The following FBXO32 variants were observed in gnomAD, a reference collection of about 807,000 sequenced individuals.
FBXO32 encodes F-box protein 32, also known as F-box only protein 32.
In FBXO32, 15 loss-of-function variants were observed where a neutral mutation model predicts 48.3. The ratio of observed to expected loss-of-function variants is 0.31; its 90% confidence interval spans 0.21 to 0.48. The LOEUF is 0.48. Among genes scored for constraint, FBXO32 ranks in the 20% least tolerant of loss-of-function variants. FBXO32 has a pLI of 0.99. For synonymous variants in FBXO32, 154 were observed against 165.9 expected (o/e 0.93, Z 0.55); for missense variants, 309 against 432.7 (o/e 0.71, Z 2.54).
rs191814232 is a variant in FBXO32 at position 123,529,492 on chromosome 8, G to T, written c.372+2406C>A. Among the ~76,000 whole-genome samples the T allele has an allele frequency of 7.9e-5, 12 of 152,326 alleles. No individual in the cohort carries two copies. In the East Asian group the frequency reaches 1.2e-3, roughly 15 times the overall value. On this transcript the variant is annotated intron_variant, in intron 4 of 8. Coordinates refer to ENST00000517956, the MANE Select transcript of FBXO32 (RefSeq NM_058229.4). ...GTTTCCCCAGCTACCCCGGGAAGTT[G>T]AGGTAAGTCATTCTTACAGAGGAGG...
rs769413481 is a variant in FBXO32, at chr8:123,540,070, C to T, written c.116+829G>A. ...GCGGACCTCAGGTTTCCCGCCAGAC[C>T]ACAGAGCTCAGGTGAGGCCTCGAAT... On this transcript the variant is annotated intron_variant, in intron 1 of 8. Coordinates refer to ENST00000517956, the MANE Select transcript of FBXO32 (RefSeq NM_058229.4). This position sits in a 1 kb window ranked among gnomAD's most constrained non-coding sequence, Gnocchi z 6.4. Among the ~76,000 whole-genome samples the T allele has an allele frequency of 6.6e-6, 1 of 152,224 alleles. No homozygotes were observed. Among genetic ancestry groups the T allele is most frequent in the East Asian group, 1.9e-4 (1 of 5,200 alleles).
chr8:123,502,031 C>T lies in FBXO32; in HGVS notation c.*1342G>A, dbSNP rs1397197419. The stretch of plus-strand genomic sequence containing the variant: ...TGCTGATATTTGCCTCGTAAGATCC[C>T]CTTGGGATCTTCCTGTTTTAACTAC... On this transcript the variant is annotated 3_prime_UTR_variant, in exon 9 of 9. Transcript: ENST00000517956. The T allele has an allele frequency of 6.6e-6, 1 of 152,072 alleles. No individual in the cohort carries two copies. The highest frequency in any genetic ancestry group is 1.9e-4 in the East Asian group (1 of 5,180). 9.4% of individuals were successfully genotyped at this position (152,072 alleles called of 1,614,324 possible). A position where few individuals can be genotyped will look rare whatever the true frequency, so the allele number is the denominator to read the frequency against.
At chr8:123,520,180 A>T (rs560519343) in intron 4 of FBXO32, among the ~76,000 whole-genome samples, 1 of 152,342 alleles carries the variant, frequency 6.6e-6, no homozygotes, top group East Asian at 1.9e-4. Flanking sequence ...GACTTAGCCA[A>T]TTGGATTCTT....
chr8:123,507,443 GT>G (rs1816651517), intron 6 of FBXO32, among the ~76,000 whole-genome samples: 1 of 109,914 alleles, frequency 9.1e-6, no homozygotes, highest in African/African-American at 3.4e-5. Flanking sequence ...GCTAGGGTGT[GT>G]GTGTGTGTGT....
chr8:123,528,628 T>C (rs1029681277), intron 4 of FBXO32, among the ~76,000 whole-genome samples: 3 of 152,152 alleles, frequency 2.0e-5, no homozygotes, highest in Non-Finnish European at 4.4e-5. Flanking sequence ...TATATAAACA[T>C]CTTTCTAAGT....
chr8:123,533,253 AAAG>A lies in FBXO32; in HGVS notation c.230-16_230-14del, dbSNP rs779770935. ...TCTTGGTGGAAATCTACAGAGACAAAAAGAATACACAGCTTTAACATCTGCAAC... is the reference window on the plus strand; with the variant it reads ...TCTTGGTGGAAATCTACAGAGACAAAAATACACAGCTTTAACATCTGCAAC... On this transcript the variant is annotated splice_polypyrimidine_tract_variant and intron_variant, in intron 2 of 8. Transcript: ENST00000517956. 62 of 1,601,666 alleles carry A rather than the reference AAAG, an allele frequency of 3.9e-5. 1 individual carries two copies. In the South Asian group the frequency reaches 6.8e-4, roughly 18 times the overall value.
At chr8:123,521,082 C>G (rs1816943785) in intron 4 of FBXO32, among the ~76,000 whole-genome samples, 1 of 152,224 alleles carries the variant, frequency 6.6e-6, no homozygotes, top group South Asian at 2.1e-4. Flanking sequence ...TTGCCATCTT[C>G]ACCTTACTAT....
chr8:123,530,740 GA>G (rs1216063648), intron 4 of FBXO32, among the ~76,000 whole-genome samples: 1 of 147,844 alleles, frequency 6.8e-6, no homozygotes, highest in Non-Finnish European at 1.5e-5. Flanking sequence ...TCAGCCTCCC[GA>G]GTAGCTGGGA....
Position 123,534,772 on chromosome 8 carries a change from G to A in FBXO32, c.159C>T (p.Asn53=). The stretch of plus-strand genomic sequence containing the variant: ...TGGCTGCAACATCATAGTTCAGGCT[G>A]TTGAAAAGATTCTCCTTATTGTATA... ...KEVYNKENLF[N]SLNYDVAAKK... Residue 53 remains asparagine (N), a synonymous_variant, in exon 2 of 9, where the codon AAC becomes AAT. Coordinates refer to ENST00000517956, the MANE Select transcript of FBXO32 (RefSeq NM_058229.4). 6.2e-7 allele frequency: 1 copy of A among 1,613,826 alleles called. No homozygotes were observed. Among genetic ancestry groups the A allele is most frequent in the Non-Finnish European group, 8.5e-7 (1 of 1,179,832 alleles).
At chr8:123,520,569 G>A (rs28567692) in intron 4 of FBXO32, among the ~76,000 whole-genome samples, 11,871 of 152,234 alleles carry the variant, frequency 0.078, 564 homozygotes, top group Non-Finnish European at 0.097. Context: ...AAGCAATATC[G>A]TATAGCAAAT....
At chr8:123,529,448 C>T (rs1159545757) in intron 4 of FBXO32, among the ~76,000 whole-genome samples, 1 of 152,202 alleles carries the variant, frequency 6.6e-6, no homozygotes, top group Non-Finnish European at 1.5e-5. Context: ...GTCCAAAGTA[C>T]TTCTGTTTAT....
chr8:123,537,136 G>C (rs975322525), intron 1 of FBXO32, among the ~76,000 whole-genome samples: 1 of 151,976 alleles, frequency 6.6e-6, no homozygotes, highest in Non-Finnish European at 1.5e-5. Context: ...TATTTTGAGA[G>C]TTCAATCGTG....
intron 1 of FBXO32, among the ~76,000 whole-genome samples, chr8:123,537,465 T>A (rs1817329778): frequency 6.6e-6 from 1 of 150,770 alleles, no homozygotes; most frequent in African/African-American, 2.4e-5. Context: ...AATCAGACCA[T>A]AAATAAGTCT....
chr8:123,541,116 G>T lies in FBXO32; in HGVS notation c.-102C>A, dbSNP rs1414039487. 4.9e-6 allele frequency: 3 copies of T among 614,382 alleles called. No homozygotes were observed. The East Asian group carries it at 1.1e-4, about 22-fold the overall frequency. The allele number at this position is 614,382 out of a possible 1,614,324, so 38.1% of individuals were successfully genotyped here. On this transcript the variant is annotated 5_prime_UTR_variant, in exon 1 of 9. Coordinates refer to ENST00000517956, the MANE Select transcript of FBXO32 (RefSeq NM_058229.4). ...TGCTCGGGGTGCAGGGGCCCGCGAC[G>T]GGGGCGGCGGGGCGGCGGGAACGGC...
At chr8:123,524,589 A>C (rs1450073203) in intron 4 of FBXO32, among the ~76,000 whole-genome samples, 4 of 151,952 alleles carry the variant, frequency 2.6e-5, no homozygotes, top group African/African-American at 7.3e-5. Flanking sequence ...AGGTTGCAGG[A>C]TGGTGGCACG....
intron 6 of FBXO32, among the ~76,000 whole-genome samples, chr8:123,507,076 G>A (rs894384551): frequency 3.9e-5 from 6 of 152,064 alleles, no homozygotes; most frequent in African/African-American, 1.4e-4. Context: ...GCCCGGCCAC[G>A]TGGTCATCCT....
intron 4 of FBXO32, among the ~76,000 whole-genome samples, chr8:123,520,751 G>A (rs984739272): frequency 1.3e-5 from 2 of 152,032 alleles, no homozygotes; most frequent in East Asian, 1.9e-4. Context: ...ATCAGTTCAC[G>A]TTACTTCTTT....
At chr8:123,511,844 G>A (rs545214466) in intron 6 of FBXO32, among the ~76,000 whole-genome samples, 11 of 152,228 alleles carry the variant, frequency 7.2e-5, no homozygotes, top group South Asian at 2.1e-4. Context: ...CATGGGACCC[G>A]CTTGTTTATA....
chr8:123,501,767 A>G lies in FBXO32; in HGVS notation c.*1606T>C, dbSNP rs1012703783. 3.3e-5 allele frequency: 5 copies of G among 152,140 alleles called. No homozygotes were observed. Among genetic ancestry groups the G allele is most frequent in the African/African-American group, 1.2e-4 (5 of 41,424 alleles). 9.4% of individuals were successfully genotyped at this position (152,140 alleles called of 1,614,324 possible). On this transcript the variant is annotated 3_prime_UTR_variant, in exon 9 of 9. Transcript: ENST00000517956. ...GCTCTTAAAGATACACTGTTCCTCA[A>G]CTTGAATGTGGACTGTGTTCCTATT...
Sources: gnomAD v4.1 joint callset for allele counts (sites outside exome capture counted in the v4.1 genomes callset) on GRCh38, gnomAD v4.1.1 for gene constraint, Gnocchi (gnomAD v3.1) non-coding constraint, MANE v1.5 for transcripts, NCBI Gene and HGNC (gene_info 2026-07-23, HGNC 2026-07-21) for gene names.